Variants in PCDHA3 observed in about 807,000 individuals in gnomAD.
PCDHA3 encodes the protein protocadherin alpha 3.
PCDHA3 carries 41 observed loss-of-function variants against 62.2 expected under a neutral mutation model. The observed-to-expected ratio is 0.66, with a 90% confidence interval of 0.51 to 0.86. PCDHA3 has a LOEUF of 0.86. Ranked by LOEUF, PCDHA3 falls within the 40% of genes least tolerant of loss-of-function variation. The pLI is 0.00. For missense variants in PCDHA3, 1,304 were observed against 1,241.2 expected, an observed-to-expected ratio of 1.05 and a Z score of -0.76; for synonymous variants, 640 against 555.4, an observed-to-expected ratio of 1.15 and a Z score of -2.14.
chr5:140,857,254 T>C (rs2044453142), intron 1 of PCDHA3: 2 of 1,598,512 alleles, frequency 1.3e-6, no homozygotes, highest in East Asian at 4.5e-5. Flanking sequence ...CCTACAAGAA[T>C]TACTACTCAT....
Position 140,848,616 on chromosome 5 carries a change from C to T in PCDHA3, c.2394+45025C>T, listed in dbSNP as rs1196599675. ...CTACTCCGTCCCGGAGGAAGCCGAA[C>T]ACGGCACCTTCGTGGGCCGCATCGC... On this transcript the variant is annotated intron_variant, in intron 1 of 3. Transcript: ENST00000522353. 1.3e-5 allele frequency: 21 copies of T among 1,593,464 alleles called. 4 individuals carry two copies. The highest frequency in any genetic ancestry group is 1.8e-5 in the Non-Finnish European group (21 of 1,163,958).
intron 1 of PCDHA3, chr5:140,869,862 A>G: frequency 3.7e-6 from 6 of 1,610,466 alleles, no homozygotes; most frequent in Non-Finnish European, 5.1e-6. Flanking sequence ...GCCTTATGGA[A>G]AATGCTGCTA....
At chr5:140,827,456 A>T (rs1477893229) in intron 1 of PCDHA3, among the ~76,000 whole-genome samples, 4 of 152,224 alleles carry the variant, frequency 2.6e-5, no homozygotes, top group South Asian at 2.1e-4. Context: ...GAACCTTAAG[A>T]GCATCTGATA....
At chr5:140,946,456 G>A (rs1554217589) in intron 1 of PCDHA3, among the ~76,000 whole-genome samples, 1 of 151,574 alleles carries the variant, frequency 6.6e-6, no homozygotes, top group African/African-American at 2.4e-5. Flanking sequence ...CAACTATCCA[G>A]CAATCCCACT....
intron 1 of PCDHA3, among the ~76,000 whole-genome samples, chr5:140,941,235 C>CT: frequency 7.4e-6 from 1 of 135,248 alleles, no homozygotes; most frequent in Non-Finnish European, 1.6e-5. Context: ...TTCTTTCTTT[C>CT]TTTCTTTCTT....
chr5:140,948,076 A>G (rs1554218436), intron 1 of PCDHA3, among the ~76,000 whole-genome samples: 1 of 151,508 alleles, frequency 6.6e-6, no homozygotes, highest in Non-Finnish European at 1.5e-5. Flanking sequence ...ATTTTCTTTT[A>G]ATCTATTGAT....
intron 1 of PCDHA3, chr5:140,870,622 G>A (rs377101052): frequency 6.2e-7 from 1 of 1,613,120 alleles, no homozygotes; most frequent in Admixed American, 1.7e-5. Flanking sequence ...GTCGAGCTAC[G>A]TGTCGGTGCA....
intron 1 of PCDHA3, among the ~76,000 whole-genome samples, chr5:140,945,731 A>G (rs1021363337): frequency 2.6e-5 from 4 of 152,144 alleles, no homozygotes; most frequent in Non-Finnish European, 4.4e-5. Flanking sequence ...TACAATGGAA[A>G]AAGGACAGCC....
At chr5:140,863,413 T>C (rs1581689381) in intron 1 of PCDHA3, 1 of 735,446 alleles carries the variant, frequency 1.4e-6, no homozygotes, top group Non-Finnish European at 2.3e-6. Flanking sequence ...CACGCTGGTG[T>C]ACCGCAGCGT....
intron 1 of PCDHA3, among the ~76,000 whole-genome samples, chr5:140,913,921 C>T (rs782350245): frequency 1.4e-4 from 22 of 152,018 alleles, no homozygotes; most frequent in South Asian, 1.2e-3. Flanking sequence ...AATTTTACTT[C>T]ATTGTGGTCA....
intron 1 of PCDHA3, chr5:140,928,951 G>C (rs2032668535): frequency 6.2e-7 from 1 of 1,614,028 alleles, no homozygotes; most frequent in Non-Finnish European, 8.5e-7. Flanking sequence ...TTTAGTAATT[G>C]CCTTGGCTTG....
At chr5:140,835,436 T>A in intron 1 of PCDHA3, 1 of 1,613,890 alleles carries the variant, frequency 6.2e-7, no homozygotes, top group Non-Finnish European at 8.5e-7. Context: ...CACAGTTGAC[T>A]CTCACTTCCC....
intron 1 of PCDHA3, chr5:140,823,937 G>T (rs2150130560): frequency 6.2e-7 from 1 of 1,613,788 alleles, no homozygotes; most frequent in African/African-American, 1.3e-5. Flanking sequence ...ACCGCGCTGC[G>T]GTGCTCGGCG....
At chr5:140,854,216 A>G in intron 1 of PCDHA3, 1 of 633,308 alleles carries the variant, frequency 1.6e-6, no homozygotes, top group Non-Finnish European at 2.0e-6. Flanking sequence ...TCAATATTGG[A>G]CATCTACATT....
chr5:140,875,910 G>A, intron 1 of PCDHA3: 1 of 1,614,172 alleles, frequency 6.2e-7, no homozygotes, highest in South Asian at 1.1e-5. Context: ...CTGAATCTGC[G>A]CCTCTGGACT....
chr5:140,805,462 T>C (rs1763575725), intron 1 of PCDHA3: 1 of 1,015,916 alleles, frequency 9.8e-7, no homozygotes, highest in Non-Finnish European at 1.2e-6. Flanking sequence ...TGTGTGAGTG[T>C]AGTTCTTCAA....
intron 1 of PCDHA3, chr5:140,966,338 A>C (rs2095992774): frequency 2.5e-6 from 1 of 394,586 alleles, no homozygotes; most frequent in Non-Finnish European, 4.5e-6. Flanking sequence ...CGGCAGGTCC[A>C]GGGTGAAGGA....
At position 140,997,829 on chromosome 5, in the gene PCDHA3, C is replaced by G. The variant is rs1294994549; in HGVS notation, c.2543-11798C>G. On this transcript the variant is annotated intron_variant, in intron 3 of 3. Transcript: ENST00000522353. ...GCTGTTGGTATCTATGTTTTCTAAA[C>G]AATACAATATACATTCTTATACATA... 2.0e-5 allele frequency among the ~76,000 whole-genome samples: 3 copies of G among 152,190 alleles called. No homozygotes were observed. The East Asian group carries it at 5.8e-4, about 29-fold the overall frequency.
chr5:140,881,353 G>A (rs537796043), intron 1 of PCDHA3: 1 of 985,178 alleles, frequency 1.0e-6, no homozygotes, highest in East Asian at 1.1e-4. Flanking sequence ...GCTACAATGC[G>A]TGGCTTTCGT....
Sources: allele counts gnomAD v4.1 joint callset (sites outside exome capture counted in the v4.1 genomes callset), GRCh38; gene constraint gnomAD v4.1.1; transcripts MANE v1.5; gene names NCBI Gene and HGNC (gene_info 2026-07-23, HGNC 2026-07-21).